The following DAB1 variants were observed in gnomAD, a reference collection of about 807,000 sequenced individuals.
DAB1 encodes the protein DAB adaptor protein 1, also known as disabled homolog 1.
DAB1 carries 15 observed loss-of-function variants against 64.6 expected under a neutral mutation model. The observed-to-expected ratio is 0.23, with a 90% CI of 0.16 to 0.36. The LOEUF is 0.36. Ranked by LOEUF, DAB1 falls within the 10% of genes least tolerant of loss-of-function variation. The pLI is 1.00. For synonymous variants in DAB1, 235 were observed against 251.9 expected, an observed-to-expected ratio of 0.93 and a Z score of 0.64; for missense variants, 596 against 706.7, an observed-to-expected ratio of 0.84 and a Z score of 1.78.
Position 57,775,245 on chromosome 1 carries a change from T to C in DAB1, n.551+108754A>G, listed in dbSNP as rs75327727. On this transcript the variant is annotated intron_variant and non_coding_transcript_variant, in intron 6 of 20. Coordinates refer to the DAB1 transcript ENST00000485760. ...TGGTTTTATTGATTTTCTTTATTGTTTGCCTGGTTTCTGTTTCACTGATTT... is the reference window on the plus strand; with the variant it reads ...TGGTTTTATTGATTTTCTTTATTGTCTGCCTGGTTTCTGTTTCACTGATTT... Among the ~76,000 whole-genome samples, 829 of 151,634 alleles carry C rather than the reference T, an allele frequency of 5.5e-3. 7 individuals carry two copies. Among genetic ancestry groups the C allele is most frequent in the African/African-American group, 0.019 (801 of 41,540 alleles).
chr1:58,538,688 TAC>T lies in DAB1; in HGVS notation n.32+8013_32+8014del, dbSNP rs1646556534. 3 of 558,662 alleles carry T rather than the reference TAC, an allele frequency of 5.4e-6. No individual in the cohort carries two copies. The South Asian group carries it at 9.8e-5, about 18-fold the overall frequency. 34.6% of individuals were successfully genotyped at this position (558,662 alleles called of 1,614,324 possible). On this transcript the variant is annotated intron_variant and non_coding_transcript_variant, in intron 1 of 20. Transcript: ENST00000485760. ...GGATCTGGCAAGGTTTCTTTAAAAG[TAC>T]AGTTTTATAAATAAAAAAATTAATT...
At chr1:57,516,392 C>T (rs186349360) in intron 7 of DAB1, among the ~76,000 whole-genome samples, 173 of 152,188 alleles carry the variant, frequency 1.1e-3, no homozygotes, top group African/African-American at 3.8e-3. Context: ...GACATAAGAC[C>T]GGAGACTTTC....
rs1553157890 is a variant in DAB1, at chr1:58,074,558, A to ATG, written n.387+75951_387+75952dup. On this transcript the variant is annotated intron_variant and non_coding_transcript_variant, in intron 5 of 20. Coordinates refer to the DAB1 transcript ENST00000485760. ...TATATATATATACACACATATATAT[A>ATG]TGTGTGTATATATATATATATATAT... 517 of 57,584 alleles carry ATG rather than the reference A, an allele frequency of 9.0e-3. 6 individuals carry two copies. The highest frequency in any genetic ancestry group is 0.032 in the African/African-American group (490 of 15,318). 3.6% of individuals were successfully genotyped at this position (57,584 alleles called of 1,614,324 possible).
At chr1:58,189,009 A>T (rs895025421) in intron 4 of DAB1, among the ~76,000 whole-genome samples, 1 of 152,134 alleles carries the variant, frequency 6.6e-6, no homozygotes, top group Admixed American at 6.5e-5. Context: ...ACAATTCCCA[A>T]ATTGCTTGTT....
rs1327794418 is a variant in DAB1 at position 57,728,634 on chromosome 1, T to C, written n.552-78969A>G. Among the ~76,000 whole-genome samples, 3 of 151,992 alleles carry C rather than the reference T, an allele frequency of 2.0e-5. No homozygotes were observed. The East Asian group carries it at 5.8e-4, about 29-fold the overall frequency. On this transcript the variant is annotated intron_variant and non_coding_transcript_variant, in intron 6 of 20. Coordinates refer to the DAB1 transcript ENST00000485760. ...CAAAAAAAAACCACCCCCTGAGATG[T>C]GATATCAGTGGTTGGGGTGTGAGGA...
intron 5 of DAB1, among the ~76,000 whole-genome samples, chr1:57,899,757 C>A (rs1318206020): frequency 6.6e-6 from 1 of 151,998 alleles, no homozygotes; most frequent in Non-Finnish European, 1.5e-5. Context: ...TTTAACCTTG[C>A]ACAATGCACA....
intron 7 of DAB1, among the ~76,000 whole-genome samples, chr1:57,484,405 C>T (rs1644064153): frequency 1.3e-5 from 2 of 152,198 alleles, no homozygotes; most frequent in Admixed American, 6.5e-5. Flanking sequence ...GGAGAGGAAT[C>T]AAGGAGACCA....
chr1:58,373,523 T>A (rs1644291120), intron 3 of DAB1, among the ~76,000 whole-genome samples: 1 of 151,572 alleles, frequency 6.6e-6, no homozygotes, highest in Non-Finnish European at 1.5e-5. Flanking sequence ...TACGGCTGCA[T>A]AGTATTCCAT....
chr1:57,762,057 C>T (rs2101818942), intron 6 of DAB1, among the ~76,000 whole-genome samples: 1 of 152,304 alleles, frequency 6.6e-6, no homozygotes, highest in South Asian at 2.1e-4. Context: ...AATCTCTGAT[C>T]TCAAGCCTTG....
At position 58,129,997 on chromosome 1, in the gene DAB1, A is replaced by G. The variant is rs1653424654; in HGVS notation, n.387+20514T>C. On this transcript the variant is annotated intron_variant and non_coding_transcript_variant, in intron 5 of 20. Transcript: ENST00000485760. ...TCCCCTTGGTGCAGAGCTGAGTTCAATTCCTGGGTATCCTTGTTGACTTTC... is the reference window on the plus strand; with the variant it reads ...TCCCCTTGGTGCAGAGCTGAGTTCAGTTCCTGGGTATCCTTGTTGACTTTC... Among the ~76,000 whole-genome samples, 3 of 142,814 alleles carry G rather than the reference A, an allele frequency of 2.1e-5. No homozygotes were observed. The Admixed American group carries it at 2.1e-4, about 10-fold the overall frequency. The allele number at this position is 142,814 out of a possible 152,430, so 93.7% of individuals were successfully genotyped here. A position where few individuals can be genotyped will look rare whatever the true frequency, so the allele number is the denominator to read the frequency against.
chr1:57,989,931 C>T (rs183260717), intron 5 of DAB1, among the ~76,000 whole-genome samples: 1 of 152,242 alleles, frequency 6.6e-6, no homozygotes, highest in African/African-American at 2.4e-5. Flanking sequence ...TTTTCTTCTC[C>T]CTCAAAATTC....
chr1:57,269,387 C>T (rs1670819016), intron 2 of DAB1, among the ~76,000 whole-genome samples: 1 of 152,064 alleles, frequency 6.6e-6, no homozygotes, highest in Admixed American at 6.6e-5. Flanking sequence ...AGCTGGGATC[C>T]CATCTCAAAG....
At chr1:58,342,620 AC>A (rs1012044246) in intron 4 of DAB1, among the ~76,000 whole-genome samples, 6 of 152,140 alleles carry the variant, frequency 3.9e-5, no homozygotes, top group African/African-American at 4.8e-5. Context: ...CACTCAATGT[AC>A]CAAAGCTGAA....
At chr1:58,025,254 C>T (rs532638489) in intron 5 of DAB1, among the ~76,000 whole-genome samples, 9 of 152,082 alleles carry the variant, frequency 5.9e-5, no homozygotes, top group Non-Finnish European at 1.2e-4. Context: ...GAAGTGTTTT[C>T]GTGGTCATTA....
intron 4 of DAB1, among the ~76,000 whole-genome samples, chr1:57,092,189 T>G (rs1653746674): frequency 6.6e-6 from 1 of 152,198 alleles, no homozygotes. Context: ...TATTTGCTCA[T>G]TCAACAAAAT....
At chr1:58,029,411 C>A (rs1215599476) in intron 5 of DAB1, among the ~76,000 whole-genome samples, 3 of 152,214 alleles carry the variant, frequency 2.0e-5, no homozygotes, top group African/African-American at 7.2e-5. Flanking sequence ...CCCAGGGCCA[C>A]AAAAAAATCA....
chr1:57,690,268 G>T (rs1646748452), intron 6 of DAB1, among the ~76,000 whole-genome samples: 1 of 152,114 alleles, frequency 6.6e-6, no homozygotes, highest in Non-Finnish European at 1.5e-5. Flanking sequence ...TTTGGGTATT[G>T]ATATGGTTTG....
intron 12 of DAB1, among the ~76,000 whole-genome samples, chr1:57,013,433 C>T (rs1044846840): frequency 1.3e-5 from 2 of 152,180 alleles, no homozygotes; most frequent in African/African-American, 4.8e-5. Context: ...ATTTCTTTAA[C>T]ATTTCATTTT....
intron 6 of DAB1, among the ~76,000 whole-genome samples, chr1:57,718,695 G>A (rs891641065): frequency 2.0e-5 from 3 of 152,154 alleles, no homozygotes; most frequent in East Asian, 3.9e-4. Context: ...GTAAAGTCAT[G>A]GATATTTCTT....
Sources: gnomAD v4.1 joint callset for allele counts (sites outside exome capture counted in the v4.1 genomes callset) on GRCh38, gnomAD v4.1.1 for gene constraint, MANE v1.5 for transcripts, NCBI Gene and HGNC (gene_info 2026-07-23, HGNC 2026-07-21) for gene names.